The following CDH13 variants were observed in gnomAD, a reference collection of about 807,000 sequenced individuals.
The protein encoded by CDH13 is cadherin-13.
A neutral mutation model predicts 63.8 loss-of-function variants in CDH13; 24 were observed. The observed-to-expected ratio is 0.38, with a 90% confidence interval of 0.27 to 0.53. CDH13 has a LOEUF of 0.53. Ranked by LOEUF, CDH13 falls within the 20% of genes least tolerant of loss-of-function variation. CDH13 has a pLI of 0.85. For missense variants in CDH13, 1,049 were observed against 903.1 expected, an observed-to-expected ratio of 1.16 and a Z score of -2.07; for synonymous variants, 503 against 355.3, an observed-to-expected ratio of 1.42 and a Z score of -4.67.
chr16:83,598,059 C>G (rs1461408753), intron 7 of CDH13, among the ~76,000 whole-genome samples: 2 of 152,138 alleles, frequency 1.3e-5, no homozygotes, highest in African/African-American at 4.8e-5. Context: ...TAAATAGATG[C>G]ATAAACTAGT....
Position 83,468,605 on chromosome 16 carries a change from T to C in CDH13, c.782-17872T>C, listed in dbSNP as rs189935014. Among the ~76,000 whole-genome samples, 3 of 152,280 alleles carry C rather than the reference T, an allele frequency of 2.0e-5. No homozygotes were observed. The East Asian group carries it at 5.8e-4, about 29-fold the overall frequency. On this transcript the variant is annotated intron_variant, in intron 6 of 13. Transcript: ENST00000567109. ...AGACAGAAACCCAGCCACACTTGTG[T>C]GAGGCGTAGGGCAAATCTTTCCTAG...
intron 3 of CDH13, among the ~76,000 whole-genome samples, chr16:83,106,306 AAGGCAAGT>A (rs1374488310): frequency 6.6e-6 from 1 of 152,116 alleles, no homozygotes; most frequent in African/African-American, 2.4e-5. Context: ...TTGGGAGGCC[AAGGCAAGT>A]GGATCATGAG....
At chr16:83,134,729 T>C (rs2036208166) in intron 4 of CDH13, among the ~76,000 whole-genome samples, 1 of 152,242 alleles carries the variant, frequency 6.6e-6, no homozygotes, top group East Asian at 1.9e-4. Context: ...TTGCTAAGTC[T>C]AATAAAAGCT....
intron 10 of CDH13, chr16:83,740,035 G>T (rs1407944635): frequency 6.6e-6 from 1 of 152,098 alleles, no homozygotes; most frequent in Non-Finnish European, 1.5e-5. Context: ...CAAAGCACAA[G>T]ACACACATGA....
chr16:83,394,331 C>T (rs1308089176), intron 6 of CDH13, among the ~76,000 whole-genome samples: 1 of 151,674 alleles, frequency 6.6e-6, no homozygotes, highest in Non-Finnish European at 1.5e-5. Flanking sequence ...TCAAGGAAAG[C>T]TGCTTGTCTG....
chr16:83,404,562 T>C (rs74032049), intron 6 of CDH13, among the ~76,000 whole-genome samples: 4,198 of 152,312 alleles, frequency 0.028, 179 homozygotes, highest in African/African-American at 0.095. Flanking sequence ...TATCCTTTAG[T>C]ACTTTCTTTT....
rs1914744621 is a variant in CDH13, at chr16:83,015,887, CTA to C, written c.158-16121_158-16120del. Among the ~76,000 whole-genome samples the C allele has an allele frequency of 2.0e-5, 3 of 151,498 alleles. No individual in the cohort carries two copies. The South Asian group carries it at 6.3e-4, about 32-fold the overall frequency. ...AAAAGTTGCCACTTGTGATGGAAAG[CTA>C]TGATTTACATTTGGCTTGTGCACTT... On this transcript the variant is annotated intron_variant, in intron 2 of 13. Transcript: ENST00000567109.
intron 3 of CDH13, among the ~76,000 whole-genome samples, chr16:83,037,931 A>G (rs1011250596): frequency 1.3e-5 from 2 of 152,156 alleles, no homozygotes; most frequent in African/African-American, 2.4e-5. Context: ...CATCAATGGT[A>G]TAATTTTGGA....
At chr16:82,893,854 C>A (rs1206787665) in intron 2 of CDH13, among the ~76,000 whole-genome samples, 1 of 152,182 alleles carries the variant, frequency 6.6e-6, no homozygotes, top group Non-Finnish European at 1.5e-5. Context: ...AAGCTCCTGA[C>A]TGCATGAACC....
At chr16:82,670,909 G>T (rs889903342) in intron 1 of CDH13, among the ~76,000 whole-genome samples, 1 of 152,152 alleles carries the variant, frequency 6.6e-6, no homozygotes, top group Non-Finnish European at 1.5e-5. Flanking sequence ...TCCTCCTGGA[G>T]GTGCAGTATC....
At position 82,630,852 on chromosome 16, in the gene CDH13, A is replaced by G. The variant is rs377251665; in HGVS notation, c.45+3715A>G. Among the ~76,000 whole-genome samples the G allele has an allele frequency of 6.4e-4, 98 of 152,344 alleles. No homozygotes were observed. The South Asian group carries it at 0.018, about 28-fold the overall frequency. On this transcript the variant is annotated intron_variant, in intron 1 of 13. Transcript: ENST00000567109. ...TGTGCGCGTCTGAGTGAGTGTGTAC[A>G]TCTCTGCATTTTGATCTTGTAATAC... is the stretch of plus-strand genomic sequence containing the variant.
chr16:83,417,336 C>A (rs773411153), intron 6 of CDH13, among the ~76,000 whole-genome samples: 1 of 152,204 alleles, frequency 6.6e-6, no homozygotes, highest in African/African-American at 2.4e-5. Flanking sequence ...ACCATTACAG[C>A]CCCTTTCTTT....
intron 1 of CDH13, among the ~76,000 whole-genome samples, chr16:82,789,361 A>C (rs77719922): frequency 0.014 from 2,129 of 152,332 alleles, 45 homozygotes; most frequent in African/African-American, 0.049. Context: ...AGAGATATAA[A>C]GAGGCTGATA....
intron 7 of CDH13, among the ~76,000 whole-genome samples, chr16:83,570,487 A>T (rs986013135): frequency 6.6e-6 from 1 of 151,998 alleles, no homozygotes. Flanking sequence ...GGCAAAGCCA[A>T]GGAAAAACGT....
intron 6 of CDH13, among the ~76,000 whole-genome samples, chr16:83,466,641 G>GGAGT (rs2073324417): frequency 6.6e-6 from 1 of 152,190 alleles, no homozygotes; most frequent in Non-Finnish European, 1.5e-5. Context: ...GGAATGAAAC[G>GGAGT]GAGTGGGGGG....
At chr16:82,764,318 C>T (rs1437997098) in intron 1 of CDH13, among the ~76,000 whole-genome samples, 1 of 152,148 alleles carries the variant, frequency 6.6e-6, no homozygotes, top group Non-Finnish European at 1.5e-5. Context: ...CATGGTCTTG[C>T]TACTTACCTA....
intron 1 of CDH13, among the ~76,000 whole-genome samples, chr16:82,741,615 G>C (rs1350611072): frequency 2.0e-5 from 3 of 152,106 alleles, no homozygotes; most frequent in African/African-American, 4.8e-5. Flanking sequence ...CTTCAAATAA[G>C]GTGGTTGGAT....
intron 2 of CDH13, among the ~76,000 whole-genome samples, chr16:82,899,019 C>G (rs1367247210): frequency 6.6e-6 from 1 of 152,164 alleles, no homozygotes; most frequent in Non-Finnish European, 1.5e-5. Flanking sequence ...TCAGACTGTC[C>G]CCCAAGATCA....
chr16:82,997,852 A>G (rs1912416435), intron 2 of CDH13, among the ~76,000 whole-genome samples: 1 of 152,214 alleles, frequency 6.6e-6, no homozygotes, highest in South Asian at 2.1e-4. Flanking sequence ...GAGATTAACT[A>G]CCAGTTGCAG....
Sources: allele counts gnomAD v4.1 joint callset (sites outside exome capture counted in the v4.1 genomes callset), GRCh38; gene constraint gnomAD v4.1.1; transcripts MANE v1.5; gene names NCBI Gene and HGNC (gene_info 2026-07-23, HGNC 2026-07-21).